Variants in KIF2A observed in about 807,000 individuals in gnomAD.
The protein encoded by KIF2A is kinesin family member 2A.
Under a neutral mutation model 100.2 loss-of-function variants are expected in KIF2A, and 22 were observed. That is an observed-to-expected ratio of 0.22 (90% CI 0.16 to 0.31). The LOEUF is 0.31. KIF2A is among the 10% of genes least tolerant of loss of function. KIF2A has a pLI of 1.00. For missense variants in KIF2A, 495 were observed against 898.7 expected (o/e 0.55, Z 5.74); for synonymous variants, 268 against 285.9 (o/e 0.94, Z 0.63).
intron 9 of KIF2A, 31 bp downstream of exon 9, chr5:62,358,330 G>T (rs1414521552): frequency 1.3e-6 from 2 of 1,485,950 alleles, no homozygotes; most frequent in East Asian, 2.4e-5. Flanking sequence ...TCAGAATTTT[G>T]TTCTTATGCC....
In KIF2A at chr5:62,306,448, C is replaced by G. The variant is rs1285927109; in HGVS notation, c.-25C>G. On this transcript the variant is annotated 5_prime_UTR_variant, in exon 1 of 21. Coordinates refer to ENST00000407818, the MANE Select transcript of KIF2A (RefSeq NM_001098511.3). ...GCCCTCCGGTCCCCCTCCCTCGGCC[C>G]GCTGCTGCTGCTCCAGATGAGGTGA... 1.3e-6 allele frequency: 2 copies of G among 1,537,932 alleles called. No homozygotes were observed. Among genetic ancestry groups the G allele is most frequent in the African/African-American group, 2.8e-5 (2 of 71,400 alleles).
intron 16 of KIF2A, among the ~76,000 whole-genome samples, chr5:62,369,085 C>T (rs1741207081): frequency 6.6e-6 from 1 of 152,156 alleles, no homozygotes. Context: ...AAAGATTCCT[C>T]CCTAATATTG....
intron 1 of KIF2A, among the ~76,000 whole-genome samples, chr5:62,343,231 CT>C (rs1747390781): frequency 6.6e-6 from 1 of 152,106 alleles, no homozygotes; most frequent in African/African-American, 2.4e-5. Context: ...TTTAATTTCC[CT>C]TTTTTAACTC....
intron 11 of KIF2A, 135 bp downstream of exon 11, chr5:62,361,664 T>C: frequency 1.8e-6 from 1 of 547,206 alleles, no homozygotes; most frequent in Non-Finnish European, 3.2e-6. Flanking sequence ...TTATAGGTTA[T>C]TAGATTGCTT....
chr5:62,357,341 C>T (rs1322442357), intron 7 of KIF2A, among the ~76,000 whole-genome samples: 4 of 152,144 alleles, frequency 2.6e-5, no homozygotes, highest in Admixed American at 2.6e-4. Context: ...ACCTTAGCCT[C>T]CCAAAGTGCT....
chr5:62,346,125 ATATTATG>A lies in KIF2A; in HGVS notation c.65-1002_65-996del, dbSNP rs566804768. 3.1e-3 allele frequency among the ~76,000 whole-genome samples: 477 copies of A among 152,184 alleles called. 4 individuals carry two copies. Among genetic ancestry groups the A allele is most frequent in the African/African-American group, 0.011 (456 of 41,560 alleles). On this transcript the variant is annotated intron_variant, in intron 1 of 20. Coordinates refer to ENST00000407818, the MANE Select transcript of KIF2A (RefSeq NM_001098511.3). ...AATAATTTATGATAAACATAATGAA[ATATTATG>A]TAATAATTAAAAATAATTATTTAGC...
At chr5:62,350,290 T>A (rs1282779874) in intron 4 of KIF2A, among the ~76,000 whole-genome samples, 170 bp downstream of exon 4, 1 of 152,038 alleles carries the variant, frequency 6.6e-6, no homozygotes, top group Non-Finnish European at 1.5e-5. Context: ...TTTTGGTTTT[T>A]TTTTTGAGAC....
intron 1 of KIF2A, among the ~76,000 whole-genome samples, chr5:62,319,862 A>G (rs1746014768): frequency 6.6e-6 from 1 of 152,198 alleles, no homozygotes; most frequent in African/African-American, 2.4e-5. Flanking sequence ...TCCCATGACT[A>G]ATGAAGTTCC....
chr5:62,330,222 G>A (rs1394682580), intron 1 of KIF2A, among the ~76,000 whole-genome samples: 1 of 152,042 alleles, frequency 6.6e-6, no homozygotes, highest in African/African-American at 2.4e-5. Flanking sequence ...GTGGTGGCAG[G>A]CACCTCTGGT....
chr5:62,321,029 T>C (rs2111807345), intron 1 of KIF2A, among the ~76,000 whole-genome samples: 1 of 152,340 alleles, frequency 6.6e-6, no homozygotes, highest in South Asian at 2.1e-4. Flanking sequence ...AACGAAACTG[T>C]ACAATACATA....
At position 62,306,422 on chromosome 5, in the gene KIF2A, C is replaced by T; in HGVS notation, c.-51C>T. On this transcript the variant is annotated 5_prime_UTR_variant, in exon 1 of 21. Transcript: ENST00000407818. ...TACCCCGCCCCCTCCCCGCCTTTTC[C>T]GCCCTCCGGTCCCCCTCCCTCGGCC... The T allele has an allele frequency of 1.6e-6, 2 of 1,272,282 alleles. No homozygotes were observed. The highest frequency in any genetic ancestry group is 2.2e-6 in the Non-Finnish European group (2 of 907,278). 78.8% of individuals were successfully genotyped at this position (1,272,282 alleles called of 1,614,324 possible). A position where few individuals can be genotyped will look rare whatever the true frequency, so the allele number is the denominator to read the frequency against.
chr5:62,373,383 A>G (rs1169519825), intron 17 of KIF2A, among the ~76,000 whole-genome samples: 1 of 151,746 alleles, frequency 6.6e-6, no homozygotes, highest in Non-Finnish European at 1.5e-5. Context: ...AATTTAAAAA[A>G]TTTTTTAAAT....
In KIF2A at chr5:62,365,326, C is replaced by T; in HGVS notation, c.1551C>T (p.Phe517=). Residue 517 remains phenylalanine (F), a synonymous_variant, in exon 15 of 21, where the codon TTC becomes TTT. Transcript: ENST00000407818. ...SKLTQVLRDS[F]IGENSRTCMI... Reference sequence around the variant, plus strand: ...TCACTCAGGTGTTAAGAGATTCTTTCATAGGTGAAAACTCTCGTACCTGCA... The same window carrying T: ...TCACTCAGGTGTTAAGAGATTCTTTTATAGGTGAAAACTCTCGTACCTGCA... 1.3e-6 allele frequency: 2 copies of T among 1,599,328 alleles called. No individual in the cohort carries two copies. The highest frequency in any genetic ancestry group is 1.7e-6 in the Non-Finnish European group (2 of 1,169,606).
In KIF2A at chr5:62,306,234, G is replaced by T. The variant is rs1054988579; in HGVS notation, c.-239G>T. 2.1e-6 allele frequency: 1 copy of T among 483,756 alleles called. No homozygotes were observed. The highest frequency in any genetic ancestry group is 2.8e-5 in the South Asian group (1 of 35,812). 30.0% of individuals were successfully genotyped at this position (483,756 alleles called of 1,614,324 possible). A position where few individuals can be genotyped will look rare whatever the true frequency, so the allele number is the denominator to read the frequency against. Reference sequence around the variant, plus strand: ...CTACCCCGCGCCGTCTCACGGCCCCGGCCCTAGCTTCACCCCGACTACCCG... The same window carrying T: ...CTACCCCGCGCCGTCTCACGGCCCCTGCCCTAGCTTCACCCCGACTACCCG... On this transcript the variant is annotated 5_prime_UTR_variant, in exon 1 of 21. Coordinates refer to ENST00000407818, the MANE Select transcript of KIF2A (RefSeq NM_001098511.3).
rs1742212681 is a variant in KIF2A at position 62,389,768 on chromosome 5, T to C, written c.*4199T>C. 6.6e-6 allele frequency among the ~76,000 whole-genome samples: 1 copy of C among 152,162 alleles called. No individual in the cohort carries two copies. Among genetic ancestry groups the C allele is most frequent in the Non-Finnish European group, 1.5e-5 (1 of 68,038 alleles). On this transcript the variant is annotated 3_prime_UTR_variant, in exon 21 of 21. Coordinates refer to ENST00000407818, the MANE Select transcript of KIF2A (RefSeq NM_001098511.3). ...AGCTGTTGTTTATATTCAAATTAAA[T>C]ACACATTGTTTCTCTCTGTAGATAC...
Position 62,363,275 on chromosome 5 carries a change from G to A in KIF2A, c.1217G>A (p.Cys406Tyr), listed in dbSNP as rs779248435. 4.3e-6 allele frequency: 7 copies of A among 1,613,832 alleles called. No homozygotes were observed. The African/African-American group carries it at 9.3e-5, about 21-fold the overall frequency. The change falls in exon 13 of 21, where the codon TGT (cysteine) becomes TAT (tyrosine). Residue 406 changes from cysteine (C) to tyrosine (Y), a missense_variant. Physicochemically the swap from Cys to Tyr is radical, Grantham distance 194 (BLOSUM62 -2). This residue lies in a region of KIF2A where 38 missense variants were observed against 99.5 expected (regional missense o/e 0.38). Coordinates refer to ENST00000407818, the MANE Select transcript of KIF2A (RefSeq NM_001098511.3). ...VVGLQEREVK[C>Y]VEDVLKLIDI... ...GGATTACAGGAACGGGAGGTCAAAT[G>A]TGTTGAAGATGTACTGAAACTCATT...
chr5:62,350,177 C>A, intron 4 of KIF2A, 57 bp downstream of exon 4: 3 of 965,422 alleles, frequency 3.1e-6, no homozygotes, highest in Non-Finnish European at 4.6e-6. Context: ...ATGTTCCTGA[C>A]AAGGTAAATC....
At chr5:62,383,229 A>ATTTTTTTTTTT (rs70977902) in intron 20 of KIF2A, among the ~76,000 whole-genome samples, 2 of 39,100 alleles carry the variant, frequency 5.1e-5, no homozygotes, top group African/African-American at 2.3e-4. Context: ...GCCTGGCCAG[A>ATTTTTTTTTTT]TTTTTTTTTT....
intron 20 of KIF2A, 135 bp downstream of exon 20, chr5:62,381,388 G>A (rs766465891): frequency 1.5e-6 from 1 of 676,588 alleles, no homozygotes; most frequent in Non-Finnish European, 2.5e-6. Context: ...TTTTCCAGAG[G>A]TATAAAGACA....
Sources: gnomAD v4.1 joint callset for allele counts (sites outside exome capture counted in the v4.1 genomes callset) on GRCh38, gnomAD v4.1.1 for gene constraint, gnomAD v4.1.1 regional missense constraint, MANE v1.5 for transcripts, NCBI Gene and HGNC (gene_info 2026-07-23, HGNC 2026-07-21) for gene names.